The following PPP3CA variants were observed in gnomAD, a reference collection of about 807,000 sequenced individuals.
PPP3CA encodes the protein CAM-PRP catalytic subunit.
In PPP3CA, 14 loss-of-function variants were observed where a neutral mutation model predicts 66.5. That is an observed-to-expected ratio of 0.21 (90% CI 0.14 to 0.33). The LOEUF (loss-of-function observed/expected upper bound fraction) is 0.33, where lower values mean the gene tolerates loss of function less well. Among genes scored for constraint, PPP3CA ranks in the 10% least tolerant of loss-of-function variants. The pLI, the probability that PPP3CA is intolerant of heterozygous loss-of-function variation, is 1.00. For synonymous variants in PPP3CA, 232 were observed against 226.2 expected (o/e 1.03, Z -0.23); for missense variants, 317 against 639.5 (o/e 0.50, Z 5.44).
Position 101,083,173 on chromosome 4 carries a change from C to T in PPP3CA, c.860+13G>A. 2.1e-6 allele frequency: 3 copies of T among 1,458,138 alleles called. No homozygotes were observed. The highest frequency in any genetic ancestry group is 2.7e-6 in the Non-Finnish European group (3 of 1,098,934). The allele number at this position is 1,458,138 out of a possible 1,614,324, so 90.3% of individuals were successfully genotyped here. A position where few individuals can be genotyped will look rare whatever the true frequency, so the allele number is the denominator to read the frequency against. On this transcript the variant is annotated intron_variant, in intron 7 of 13. Coordinates refer to ENST00000394854, the MANE Select transcript of PPP3CA (RefSeq NM_000944.5). ...ACAATGCATGGTTTTTATAAATGCT[C>T]AAAACTGCTCACCCTGCATCTTGGG...
chr4:101,290,660 G>C (rs6532923), intron 1 of PPP3CA, among the ~76,000 whole-genome samples: 13,151 of 152,130 alleles, frequency 0.086, 1,717 homozygotes, highest in African/African-American at 0.28. Context: ...AGACAACCCA[G>C]TACAAGAGTC....
chr4:101,027,209 C>CTGAT, intron 13 of PPP3CA, among the ~76,000 whole-genome samples: 1 of 151,260 alleles, frequency 6.6e-6, no homozygotes, highest in Non-Finnish European at 1.5e-5. Context: ...ATCACCATGG[C>CTGAT]TGATTAAGGA....
At chr4:101,244,797 C>A (rs1478037084) in intron 1 of PPP3CA, among the ~76,000 whole-genome samples, 1 of 152,082 alleles carries the variant, frequency 6.6e-6, no homozygotes, top group African/African-American at 2.4e-5. Context: ...CAATTTATAC[C>A]TGATTCAAAC....
At chr4:101,037,396 G>A (rs762375772) in intron 11 of PPP3CA, among the ~76,000 whole-genome samples, 30 of 152,188 alleles carry the variant, frequency 2.0e-4, no homozygotes, top group Non-Finnish European at 3.7e-4. Context: ...TCCCTTATAA[G>A]GTTGCACATT....
At chr4:101,201,912 C>T (rs1426892260) in intron 1 of PPP3CA, among the ~76,000 whole-genome samples, 2 of 152,172 alleles carry the variant, frequency 1.3e-5, no homozygotes, top group African/African-American at 4.8e-5. Context: ...CAACTATGCA[C>T]TGTATCCCAT....
At chr4:101,259,142 C>T (rs139211295) in intron 1 of PPP3CA, among the ~76,000 whole-genome samples, 33 of 152,246 alleles carry the variant, frequency 2.2e-4, no homozygotes, top group African/African-American at 7.7e-4. Context: ...CAAGTACTTT[C>T]CTCCTCTATC....
intron 2 of PPP3CA, among the ~76,000 whole-genome samples, chr4:101,170,221 A>C (rs1283299591): frequency 6.6e-6 from 1 of 152,006 alleles, no homozygotes; most frequent in African/African-American, 2.4e-5. Flanking sequence ...TCTGTAATTT[A>C]GAGCATCAAG....
rs35434632 is a variant in PPP3CA at position 101,025,820 on chromosome 4, C to CAAA, written c.*42_*44dup. 1.3e-3 allele frequency: 642 copies of CAAA among 479,152 alleles called. No individual in the cohort carries two copies. The highest frequency in any genetic ancestry group is 3.0e-3 in the South Asian group (106 of 35,458). 29.7% of individuals were successfully genotyped at this position (479,152 alleles called of 1,614,324 possible). On this transcript the variant is annotated 3_prime_UTR_variant, in exon 14 of 14. Coordinates refer to ENST00000394854, the MANE Select transcript of PPP3CA (RefSeq NM_000944.5). ...GCAATCCCCATCATGCCCCGCAGCT[C>CAAA]AAAAAAAAAAAAAAAAAAAAAAAAA...
At chr4:101,297,412 T>C (rs1485569176) in intron 1 of PPP3CA, among the ~76,000 whole-genome samples, 1 of 152,218 alleles carries the variant, frequency 6.6e-6, no homozygotes, top group Non-Finnish European at 1.5e-5. Flanking sequence ...ATAGACATCA[T>C]GAACTGGCTA....
intron 5 of PPP3CA, among the ~76,000 whole-genome samples, chr4:101,094,802 C>T (rs889736450): frequency 2.0e-5 from 3 of 152,032 alleles, no homozygotes; most frequent in Admixed American, 6.5e-5. Flanking sequence ...TTAGTTTATC[C>T]TGATTTAACT....
intron 7 of PPP3CA, among the ~76,000 whole-genome samples, chr4:101,082,291 T>C (rs1729475768): frequency 6.6e-6 from 1 of 152,196 alleles, no homozygotes; most frequent in African/African-American, 2.4e-5. Context: ...AACAGCTAAT[T>C]GTGAAATGAA....
intron 1 of PPP3CA, among the ~76,000 whole-genome samples, chr4:101,282,584 T>C (rs1727719808): frequency 6.6e-6 from 1 of 152,194 alleles, no homozygotes; most frequent in East Asian, 1.9e-4. Context: ...TTCTTCCCCA[T>C]TTCTTCTTTG....
chr4:101,201,397 G>C (rs1724963101), intron 1 of PPP3CA, among the ~76,000 whole-genome samples: 1 of 152,216 alleles, frequency 6.6e-6, no homozygotes, highest in Admixed American at 6.5e-5. Flanking sequence ...CCTATGTCTA[G>C]AGATTCTGAT....
chr4:101,105,262 G>A (rs1730613058), intron 3 of PPP3CA, among the ~76,000 whole-genome samples: 1 of 151,438 alleles, frequency 6.6e-6, no homozygotes, highest in South Asian at 2.1e-4. Context: ...CGCCTCCTGG[G>A]TTCAAGCGAT....
intron 3 of PPP3CA, among the ~76,000 whole-genome samples, chr4:101,106,468 A>AGAAGAGAAG (rs1560605272): frequency 1.1e-4 from 5 of 46,128 alleles, no homozygotes; most frequent in Admixed American, 1.7e-4. Flanking sequence ...AAGAAAAGAA[A>AGAAGAGAAG]AGAAAAGAAA....
intron 1 of PPP3CA, among the ~76,000 whole-genome samples, chr4:101,198,808 T>G (rs1724880375): frequency 6.6e-6 from 1 of 152,164 alleles, no homozygotes; most frequent in African/African-American, 2.4e-5. Flanking sequence ...ATCTTTTACC[T>G]TCCAGTAATT....
At chr4:101,107,698 T>C (rs1721477429) in intron 3 of PPP3CA, among the ~76,000 whole-genome samples, 1 of 152,218 alleles carries the variant, frequency 6.6e-6, no homozygotes, top group African/African-American at 2.4e-5. Flanking sequence ...AAAACTGATA[T>C]AATTGTATAA....
chr4:101,294,784 C>T (rs1049916101), intron 1 of PPP3CA, among the ~76,000 whole-genome samples: 3 of 151,554 alleles, frequency 2.0e-5, no homozygotes, highest in Non-Finnish European at 4.4e-5. Flanking sequence ...CACTAGATAC[C>T]AGCACTCTCT....
rs1726592617 is a variant in PPP3CA, at chr4:101,025,547, G to A, written c.*318C>T. The A allele has an allele frequency of 5.1e-6, 1 of 195,296 alleles. No homozygotes were observed. The highest frequency in any genetic ancestry group is 2.3e-5 in the African/African-American group (1 of 42,832). The allele number at this position is 195,296 out of a possible 1,614,324, so 12.1% of individuals were successfully genotyped here. On this transcript the variant is annotated 3_prime_UTR_variant, in exon 14 of 14. Transcript: ENST00000394854. ...CTATCTAGAAGTCCCCAATGCAGTAGGAAAACATGTTCATTCCCCTAACAT... is the reference window on the plus strand; with the variant it reads ...CTATCTAGAAGTCCCCAATGCAGTAAGAAAACATGTTCATTCCCCTAACAT...
Sources: allele counts gnomAD v4.1 joint callset (sites outside exome capture counted in the v4.1 genomes callset), GRCh38; gene constraint gnomAD v4.1.1; transcripts MANE v1.5; gene names NCBI Gene and HGNC (gene_info 2026-07-23, HGNC 2026-07-21).